Variants in SYT1 observed in about 807,000 individuals in gnomAD.
The protein encoded by SYT1 is synaptotagmin 1.
SYT1 carries 8 observed loss-of-function variants against 44.8 expected under a neutral mutation model. The observed-to-expected ratio is 0.18, with a 90% CI of 0.10 to 0.32. SYT1 has a LOEUF of 0.32. Ranked by LOEUF, SYT1 falls within the 10% of genes least tolerant of loss-of-function variation. The pLI, the probability that SYT1 is intolerant of heterozygous loss-of-function variation, is 1.00. For missense variants in SYT1, 286 were observed against 509.3 expected (o/e 0.56, Z 4.22); for synonymous variants, 154 against 188.8 (o/e 0.82, Z 1.51).
At chr12:78,895,788 T>C (rs1196321099) in intron 1 of SYT1, among the ~76,000 whole-genome samples, 2 of 151,848 alleles carry the variant, frequency 1.3e-5, no homozygotes, top group East Asian at 3.9e-4. Flanking sequence ...TTTTGATCTA[T>C]GGTCTAAATT....
chr12:79,362,469 A>G (rs1408790096), intron 9 of SYT1, among the ~76,000 whole-genome samples: 1 of 152,184 alleles, frequency 6.6e-6, no homozygotes, highest in Non-Finnish European at 1.5e-5. Flanking sequence ...GATTTTATAA[A>G]TAAAAGGGAG....
At chr12:78,993,221 A>G (rs755803709) in intron 2 of SYT1, among the ~76,000 whole-genome samples, 22 of 152,234 alleles carry the variant, frequency 1.4e-4, no homozygotes, top group Non-Finnish European at 2.8e-4. Flanking sequence ...AATGATGGGG[A>G]AAATATATTC....
Position 79,049,527 on chromosome 12 carries a change from G to C in SYT1, c.-18+2165G>C, listed in dbSNP as rs1046193525. Among the ~76,000 whole-genome samples the C allele has an allele frequency of 3.9e-5, 6 of 151,930 alleles. No individual in the cohort carries two copies. The South Asian group carries it at 1.2e-3, about 32-fold the overall frequency. On this transcript the variant is annotated intron_variant, in intron 3 of 10. Transcript: ENST00000261205. ...AATTTATCCTTTAAAAATTTTATCA[G>C]ATATTGTGAAGAGGAATACTCTGAC...
intron 1 of SYT1, among the ~76,000 whole-genome samples, chr12:78,882,493 G>T (rs1430124981): frequency 6.6e-6 from 1 of 151,640 alleles, no homozygotes; most frequent in Non-Finnish European, 1.5e-5. Context: ...ATTTATATCT[G>T]AGAGTAAATA....
chr12:79,151,748 C>G (rs1420145207), intron 3 of SYT1, among the ~76,000 whole-genome samples: 1 of 152,090 alleles, frequency 6.6e-6, no homozygotes, highest in African/African-American at 2.4e-5. Flanking sequence ...TAAAAACAAA[C>G]CTCAGAGCAC....
At chr12:78,921,157 T>C (rs1164873726) in intron 1 of SYT1, among the ~76,000 whole-genome samples, 1 of 151,964 alleles carries the variant, frequency 6.6e-6, no homozygotes, top group Admixed American at 6.6e-5. Flanking sequence ...CTATCTCATG[T>C]TTTTACCACT....
At chr12:79,400,144 A>G (rs929601082) in intron 9 of SYT1, among the ~76,000 whole-genome samples, 1 of 152,112 alleles carries the variant, frequency 6.6e-6, no homozygotes, top group Non-Finnish European at 1.5e-5. Context: ...TTCAAGTTCA[A>G]ACTTCCTACT....
At chr12:79,026,702 T>TATATATATATATATATAAAAAA (rs34140383) in intron 2 of SYT1, among the ~76,000 whole-genome samples, 3 of 125,326 alleles carry the variant, frequency 2.4e-5, no homozygotes, top group East Asian at 2.6e-4. Context: ...TATATATATA[T>TATATATATATATATATAAAAAA]CACACTTTCA....
At chr12:78,908,423 C>A (rs1323471679) in intron 1 of SYT1, among the ~76,000 whole-genome samples, 1 of 151,002 alleles carries the variant, frequency 6.6e-6, no homozygotes, top group Non-Finnish European at 1.5e-5. Context: ...TATAATGTTA[C>A]CTTAAGGGCA....
chr12:79,102,983 T>A (rs1192047295), intron 3 of SYT1: 1 of 152,098 alleles, frequency 6.6e-6, no homozygotes, highest in Non-Finnish European at 1.5e-5. Context: ...CACAACACTA[T>A]AAGGTAAATA....
At chr12:79,261,202 C>T (rs1877811871) in intron 4 of SYT1, among the ~76,000 whole-genome samples, 1 of 152,170 alleles carries the variant, frequency 6.6e-6, no homozygotes, top group Non-Finnish European at 1.5e-5. Flanking sequence ...AAATGATGGC[C>T]AGGCAAGAAA....
intron 3 of SYT1, among the ~76,000 whole-genome samples, chr12:79,180,363 A>G (rs941943552): frequency 2.0e-5 from 3 of 152,152 alleles, no homozygotes; most frequent in Non-Finnish European, 4.4e-5. Flanking sequence ...GAAGCAGAGA[A>G]GACTATAATT....
rs568808320 is a variant in SYT1, at chr12:79,420,655, A to G, written c.929-23418A>G. ...AACACTTTTTCCAGTTCAAAGTAGC[A>G]CAAGAGAGATATGATGTGAGTAGAG... On this transcript the variant is annotated intron_variant, in intron 9 of 10. Coordinates refer to ENST00000261205, the MANE Select transcript of SYT1 (RefSeq NM_005639.3). 1.2e-3 allele frequency among the ~76,000 whole-genome samples: 190 copies of G among 152,246 alleles called. 3 individuals carry two copies. In the South Asian group the frequency reaches 0.038, roughly 31 times the overall value.
chr12:79,320,467 T>C (rs550569554), intron 8 of SYT1, among the ~76,000 whole-genome samples: 1 of 152,126 alleles, frequency 6.6e-6, no homozygotes, highest in African/African-American at 2.4e-5. Flanking sequence ...ATTTTACATA[T>C]AACTTAGCTA....
chr12:79,320,605 A>C (rs1881306464), intron 8 of SYT1, among the ~76,000 whole-genome samples: 1 of 151,008 alleles, frequency 6.6e-6, no homozygotes, highest in Non-Finnish European at 1.5e-5. Context: ...TTCCTCTATC[A>C]GCAGCACCTC....
chr12:79,052,653 T>C (rs1874596067), intron 3 of SYT1, among the ~76,000 whole-genome samples: 1 of 143,494 alleles, frequency 7.0e-6, no homozygotes, highest in South Asian at 2.3e-4. Flanking sequence ...CTCAAACAAA[T>C]TTACAAGAAA....
At chr12:78,910,504 A>T (rs2137124628) in intron 1 of SYT1, among the ~76,000 whole-genome samples, 1 of 152,104 alleles carries the variant, frequency 6.6e-6, no homozygotes, top group East Asian at 1.9e-4. Context: ...CTAGATATTT[A>T]CATCCATCTG....
At chr12:79,299,645 G>A (rs1261738438) in intron 8 of SYT1, 94 bp downstream of exon 8, 23 of 1,460,228 alleles carry the variant, frequency 1.6e-5, no homozygotes, top group Non-Finnish European at 1.9e-5. Flanking sequence ...TTACAAAGGG[G>A]GATGTGGGCC....
intron 8 of SYT1, among the ~76,000 whole-genome samples, chr12:79,311,232 G>T (rs549434349): frequency 0.01 from 1,572 of 152,230 alleles, 22 homozygotes; most frequent in African/African-American, 0.036. Flanking sequence ...CTTCTCAAAA[G>T]AAGACATTTA....
Sources: gnomAD v4.1 joint callset for allele counts (sites outside exome capture counted in the v4.1 genomes callset) on GRCh38, gnomAD v4.1.1 for gene constraint, MANE v1.5 for transcripts, NCBI Gene and HGNC (gene_info 2026-07-23, HGNC 2026-07-21) for gene names.